The following STT3B variants were observed in gnomAD, a reference collection of about 807,000 sequenced individuals.
STT3B encodes the protein dolichyl-diphosphooligosaccharide--protein glycosyltransferase subunit STT3B.
A neutral mutation model predicts 96.8 loss-of-function variants in STT3B; 29 were observed. That is an observed-to-expected ratio of 0.30 (90% CI 0.22 to 0.41). The LOEUF (loss-of-function observed/expected upper bound fraction) is 0.41. STT3B is among the 10% of genes least tolerant of loss of function. The pLI is 1.00. For missense variants in STT3B, 640 were observed against 1,022.3 expected, an observed-to-expected ratio of 0.63 and a Z score of 5.10; for synonymous variants, 367 against 360.0, an observed-to-expected ratio of 1.02 and a Z score of -0.22.
At chr3:31,540,058 T>C (rs1697225761) in intron 1 of STT3B, among the ~76,000 whole-genome samples, 1 of 152,282 alleles carries the variant, frequency 6.6e-6, no homozygotes. Context: ...TTCCATTTTC[T>C]TTGCACCTAT....
chr3:31,574,300 T>G (rs1698219631), intron 1 of STT3B, among the ~76,000 whole-genome samples: 1 of 152,126 alleles, frequency 6.6e-6, no homozygotes, highest in Non-Finnish European at 1.5e-5. Flanking sequence ...TAGTTTTTGC[T>G]TCTATTGCTA....
intron 3 of STT3B, among the ~76,000 whole-genome samples, chr3:31,593,408 C>T (rs1230019895): frequency 6.6e-6 from 1 of 151,782 alleles, no homozygotes; most frequent in African/African-American, 2.4e-5. Flanking sequence ...ACTTTGACTA[C>T]AGTTTGTCTA....
chr3:31,565,435 T>C (rs760577251), intron 1 of STT3B, among the ~76,000 whole-genome samples: 26 of 152,220 alleles, frequency 1.7e-4, no homozygotes, highest in Non-Finnish European at 2.6e-4. Context: ...AAGGAGTTGT[T>C]GTACATTTTT....
chr3:31,627,607 T>C (rs939500968), intron 13 of STT3B, among the ~76,000 whole-genome samples: 1 of 152,244 alleles, frequency 6.6e-6, no homozygotes, highest in East Asian at 1.9e-4. Context: ...GAAAAATGTA[T>C]GCAGGTGTCG....
At chr3:31,600,527 GA>G in intron 5 of STT3B, 68 bp downstream of exon 5, 1 of 725,166 alleles carries the variant, frequency 1.4e-6, no homozygotes, top group Non-Finnish European at 2.3e-6. Context: ...TTATTGAAGA[GA>G]TATTTCTATT....
At chr3:31,622,670 G>A (rs1295255007) in intron 10 of STT3B, among the ~76,000 whole-genome samples, 1 of 152,158 alleles carries the variant, frequency 6.6e-6, no homozygotes, top group Non-Finnish European at 1.5e-5. Flanking sequence ...TGGACAGACA[G>A]GTGCTTATCC....
chr3:31,561,264 T>C (rs1407430820), intron 1 of STT3B, among the ~76,000 whole-genome samples: 2 of 152,004 alleles, frequency 1.3e-5, no homozygotes, highest in Admixed American at 6.5e-5. Flanking sequence ...TCTTTTTTTT[T>C]CAAAATTTTT....
At chr3:31,567,449 T>G (rs1698033012) in intron 1 of STT3B, among the ~76,000 whole-genome samples, 1 of 152,208 alleles carries the variant, frequency 6.6e-6, no homozygotes. Flanking sequence ...ATTACATTTG[T>G]GAACTGAACA....
At chr3:31,561,255 C>T (rs1429466257) in intron 1 of STT3B, among the ~76,000 whole-genome samples, 3 of 145,398 alleles carry the variant, frequency 2.1e-5, no homozygotes, top group East Asian at 2.0e-4. Context: ...TTGTGAATTT[C>T]TTTTTTTTTC....
intron 5 of STT3B, among the ~76,000 whole-genome samples, chr3:31,605,954 A>G (rs1276700666): frequency 2.0e-5 from 3 of 152,202 alleles, no homozygotes; most frequent in African/African-American, 7.2e-5. Context: ...ATGGTCTCAG[A>G]TGGAGATGAG....
At chr3:31,581,538 A>G (rs1182701463) in intron 3 of STT3B, among the ~76,000 whole-genome samples, 5 of 152,220 alleles carry the variant, frequency 3.3e-5, no homozygotes, top group African/African-American at 4.8e-5. Context: ...ACATTCATGA[A>G]TAAGTCCCAG....
chr3:31,535,022 A>C (rs1465585429), intron 1 of STT3B, among the ~76,000 whole-genome samples: 1 of 152,230 alleles, frequency 6.6e-6, no homozygotes, highest in Non-Finnish European at 1.5e-5. Context: ...GAAAAGAGAA[A>C]GTTCTCTTTT....
chr3:31,592,931 T>C (rs746811868), intron 3 of STT3B, among the ~76,000 whole-genome samples: 4 of 152,174 alleles, frequency 2.6e-5, no homozygotes, highest in African/African-American at 4.8e-5. Flanking sequence ...ACTTGCAACA[T>C]TGGGGCCAAA....
At chr3:31,547,848 A>G (rs1399630486) in intron 1 of STT3B, among the ~76,000 whole-genome samples, 1 of 152,232 alleles carries the variant, frequency 6.6e-6, no homozygotes, top group African/African-American at 2.4e-5. Flanking sequence ...TCTGATCCTT[A>G]AAATTCTATG....
chr3:31,538,616 G>A (rs1394001058), intron 1 of STT3B, among the ~76,000 whole-genome samples: 1 of 152,222 alleles, frequency 6.6e-6, no homozygotes, highest in African/African-American at 2.4e-5. Flanking sequence ...CAGAGGTAAT[G>A]GTTTAGCTTT....
In STT3B at chr3:31,582,745, TG is replaced by T. The variant is rs1344767912; in HGVS notation, c.711+2651del. Among the ~76,000 whole-genome samples, 4 of 152,238 alleles carry T rather than the reference TG, an allele frequency of 2.6e-5. No homozygotes were observed. The East Asian group carries it at 7.7e-4, about 29-fold the overall frequency. On this transcript the variant is annotated intron_variant, in intron 3 of 15. Transcript: ENST00000295770. ...GTGTCTCATAAGTTCTGATACATTG[TG>T]GTTTTGTTTTCATTCATCTCTGAGT...
intron 2 of STT3B, among the ~76,000 whole-genome samples, chr3:31,578,578 A>G (rs1245605850): frequency 6.6e-6 from 1 of 151,264 alleles, no homozygotes; most frequent in Non-Finnish European, 1.5e-5. Flanking sequence ...CCCCCCCAGT[A>G]TTGCTGACAA....
intron 1 of STT3B, among the ~76,000 whole-genome samples, chr3:31,544,895 C>G (rs1697363427): frequency 6.6e-6 from 1 of 152,108 alleles, no homozygotes; most frequent in South Asian, 2.1e-4. Context: ...CGAGATTGCA[C>G]CACCGCACTC....
intron 1 of STT3B, among the ~76,000 whole-genome samples, chr3:31,534,659 A>G (rs1575400319): frequency 6.6e-6 from 1 of 152,318 alleles, no homozygotes; most frequent in East Asian, 1.9e-4. Context: ...GTTCTGCATT[A>G]TGGAGAGAAA....
Sources: allele counts gnomAD v4.1 joint callset (sites outside exome capture counted in the v4.1 genomes callset), GRCh38; gene constraint gnomAD v4.1.1; transcripts MANE v1.5; gene names NCBI Gene and HGNC (gene_info 2026-07-23, HGNC 2026-07-21).